RBFOX1: variants seen among roughly 807,000 people sequenced by gnomAD.
RBFOX1 encodes the protein RNA binding fox-1 homolog 1.
Under a neutral mutation model 57.7 loss-of-function variants are expected in RBFOX1, and 8 were observed. The observed-to-expected ratio is 0.14, with a 90% CI of 0.08 to 0.25. RBFOX1 has a LOEUF of 0.25. RBFOX1 is among the 10% of genes least tolerant of loss of function. The probability of loss-of-function intolerance (pLI) is 1.00; values close to 1 mark genes in which losing one functional copy is unlikely to be tolerated. For missense variants in RBFOX1, 611 were observed against 548.5 expected, an observed-to-expected ratio of 1.11 and a Z score of -1.14; for synonymous variants, 326 against 222.4, an observed-to-expected ratio of 1.47 and a Z score of -4.15.
At chr16:6,985,529 T>C (rs914526116) in intron 3 of RBFOX1, among the ~76,000 whole-genome samples, 5 of 152,046 alleles carry the variant, frequency 3.3e-5, no homozygotes, top group Admixed American at 1.3e-4. Flanking sequence ...AAATACTGGA[T>C]TAGAAAGATT....
intron 1 of RBFOX1, among the ~76,000 whole-genome samples, chr16:5,361,934 C>A (rs1390364905): frequency 6.6e-6 from 1 of 152,192 alleles, no homozygotes; most frequent in Non-Finnish European, 1.5e-5. Flanking sequence ...GGACAGCAGG[C>A]AGATAATGCT....
At chr16:5,369,702 G>A (rs899005733) in intron 1 of RBFOX1, among the ~76,000 whole-genome samples, 8 of 152,178 alleles carry the variant, frequency 5.3e-5, no homozygotes, top group African/African-American at 1.9e-4. Flanking sequence ...TTTCAGAGGT[G>A]GGTCTCAGTC....
chr16:7,640,776 C>G (rs1015889075), intron 11 of RBFOX1, among the ~76,000 whole-genome samples: 1 of 152,162 alleles, frequency 6.6e-6, no homozygotes, highest in Non-Finnish European at 1.5e-5. Context: ...TGACAAAACT[C>G]ACCCTCATCC....
intron 1 of RBFOX1, among the ~76,000 whole-genome samples, chr16:5,397,038 C>G (rs1474807067): frequency 6.6e-6 from 1 of 152,152 alleles, no homozygotes; most frequent in Non-Finnish European, 1.5e-5. Context: ...CCATCCCTAC[C>G]AAAGGTCATA....
At chr16:5,702,890 G>C (rs903478538) in intron 3 of RBFOX1, among the ~76,000 whole-genome samples, 3 of 152,130 alleles carry the variant, frequency 2.0e-5, no homozygotes, top group Admixed American at 6.5e-5. Flanking sequence ...TGTGAATATG[G>C]GGAATAGGGG....
chr16:6,871,170 T>G (rs2060801403), intron 3 of RBFOX1, among the ~76,000 whole-genome samples: 1 of 152,186 alleles, frequency 6.6e-6, no homozygotes, highest in African/African-American at 2.4e-5. Flanking sequence ...GAAGTTTAAT[T>G]CCATGTTTCA....
At chr16:5,710,007 C>T (rs2051425474) in intron 3 of RBFOX1, among the ~76,000 whole-genome samples, 1 of 150,526 alleles carries the variant, frequency 6.6e-6, no homozygotes, top group South Asian at 2.1e-4. Flanking sequence ...GCATTGGGTT[C>T]TACAGCCTGT....
chr16:6,617,999 C>G (rs2098168334), intron 2 of RBFOX1, among the ~76,000 whole-genome samples: 1 of 152,140 alleles, frequency 6.6e-6, no homozygotes. Flanking sequence ...CTTATCTTTT[C>G]CTATCCACCT....
chr16:7,092,368 A>G (rs1305645364), intron 4 of RBFOX1, among the ~76,000 whole-genome samples: 1 of 152,222 alleles, frequency 6.6e-6, no homozygotes, highest in East Asian at 1.9e-4. Context: ...AAAGCCTCTG[A>G]GAGGAAATAC....
intron 3 of RBFOX1, among the ~76,000 whole-genome samples, chr16:5,790,069 G>T (rs2054637546): frequency 6.6e-6 from 1 of 152,208 alleles, no homozygotes; most frequent in South Asian, 2.1e-4. Context: ...GGTTATTCGG[G>T]ACTCCAGGCT....
At chr16:6,941,412 G>T (rs573484110) in intron 3 of RBFOX1, among the ~76,000 whole-genome samples, 2 of 149,568 alleles carry the variant, frequency 1.3e-5, no homozygotes, top group South Asian at 4.2e-4. Context: ...TTTCTCATTT[G>T]GAATATTAGG....
At chr16:7,031,191 A>G (rs570092168) in intron 3 of RBFOX1, among the ~76,000 whole-genome samples, 1 of 152,326 alleles carries the variant, frequency 6.6e-6, no homozygotes, top group African/African-American at 2.4e-5. Flanking sequence ...CTTACAGTTA[A>G]GAAAATAAAG....
chr16:7,171,167 A>T (rs947172903), intron 4 of RBFOX1, among the ~76,000 whole-genome samples: 13 of 152,192 alleles, frequency 8.5e-5, no homozygotes, highest in African/African-American at 2.9e-4. Context: ...CCAGTCGGCA[A>T]TTGGCGAGGA....
In RBFOX1 at chr16:6,708,056, CT is replaced by C. The variant is rs537499915; in HGVS notation, c.-16+53407del. The stretch of plus-strand genomic sequence containing the variant: ...AAGGCCCTTTTCCATCGTCTTTCCC[CT>C]GGCTTCCCTTTTGAATGGTAGTAGA... On this transcript the variant is annotated intron_variant, in intron 3 of 15. Coordinates refer to ENST00000550418, the MANE Select transcript of RBFOX1 (RefSeq NM_018723.4). Among the ~76,000 whole-genome samples, 23 of 152,274 alleles carry C rather than the reference CT, an allele frequency of 1.5e-4. 1 individual carries two copies. In the East Asian group the frequency reaches 4.3e-3, roughly 28 times the overall value.
chr16:7,061,972 A>T (rs2054432983), intron 4 of RBFOX1, among the ~76,000 whole-genome samples: 1 of 152,142 alleles, frequency 6.6e-6, no homozygotes, highest in South Asian at 2.1e-4. Context: ...AGTAAGGAGC[A>T]AGAAACTCTC....
chr16:6,820,243 T>C (rs551771390), intron 3 of RBFOX1, among the ~76,000 whole-genome samples: 2 of 152,298 alleles, frequency 1.3e-5, no homozygotes, highest in East Asian at 1.9e-4. Flanking sequence ...CGATTAAACC[T>C]TTTCTTCTTT....
chr16:7,598,525 A>G (rs2094831668), intron 9 of RBFOX1, among the ~76,000 whole-genome samples: 2 of 152,338 alleles, frequency 1.3e-5, no homozygotes, highest in South Asian at 4.1e-4. Context: ...AAGAAACGTT[A>G]AAGACAAGTC....
intron 4 of RBFOX1, among the ~76,000 whole-genome samples, chr16:7,262,915 G>T (rs1398182459): frequency 1.3e-5 from 2 of 152,202 alleles, no homozygotes; most frequent in Non-Finnish European, 2.9e-5. Flanking sequence ...TGTGTGGAGA[G>T]GCCTGCAGTT....
intron 4 of RBFOX1, among the ~76,000 whole-genome samples, chr16:7,407,855 C>A (rs943420438): frequency 6.6e-6 from 1 of 152,108 alleles, no homozygotes; most frequent in Non-Finnish European, 1.5e-5. Context: ...GGGACCTAAT[C>A]TGGCCTGCGG....
Sources: allele counts gnomAD v4.1 joint callset (sites outside exome capture counted in the v4.1 genomes callset), GRCh38; gene constraint gnomAD v4.1.1; transcripts MANE v1.5; gene names NCBI Gene and HGNC (gene_info 2026-07-23, HGNC 2026-07-21).